The following FAM193A variants were observed in gnomAD, a reference collection of about 807,000 sequenced individuals.
The protein encoded by FAM193A is protein FAM193A.
A neutral mutation model predicts 126.5 loss-of-function variants in FAM193A; 22 were observed. The ratio of observed to expected loss-of-function variants is 0.17; its 90% CI spans 0.12 to 0.25. The LOEUF is 0.25. Among genes scored for constraint, FAM193A ranks in the 10% least tolerant of loss-of-function variants. The pLI, the probability that FAM193A is intolerant of heterozygous loss-of-function variation, is 1.00. For missense variants in FAM193A, 1,675 were observed against 1,672.8 expected (o/e 1.00, Z -0.02); for synonymous variants, 761 against 646.8 (o/e 1.18, Z -2.68).
chr4:2,727,769 G>A (rs934173100), intron 20 of FAM193A, among the ~76,000 whole-genome samples: 1 of 151,996 alleles, frequency 6.6e-6, no homozygotes, highest in Non-Finnish European at 1.5e-5. Flanking sequence ...CAGCTACTCC[G>A]CAGCCCACAG....
At chr4:2,565,015 T>G (rs1738850899) in intron 1 of FAM193A, among the ~76,000 whole-genome samples, 1 of 152,004 alleles carries the variant, frequency 6.6e-6, no homozygotes, top group Admixed American at 6.6e-5. Flanking sequence ...CCCAGGCTGG[T>G]CTTGAACTCC....
At chr4:2,596,468 C>T (rs1740869933) in intron 2 of FAM193A, 139 bp downstream of exon 2, 1 of 609,110 alleles carries the variant, frequency 1.6e-6, no homozygotes, top group Non-Finnish European at 2.9e-6. Flanking sequence ...TCTGTGTCTC[C>T]TGGTACGTTC....
intron 2 of FAM193A, among the ~76,000 whole-genome samples, chr4:2,599,400 G>T (rs1328050325): frequency 6.6e-6 from 1 of 152,064 alleles, no homozygotes; most frequent in Non-Finnish European, 1.5e-5. Context: ...CAATTGTCCT[G>T]CTCTGTCTCT....
At chr4:2,566,376 G>A (rs1253926401) in intron 1 of FAM193A, among the ~76,000 whole-genome samples, 1 of 151,952 alleles carries the variant, frequency 6.6e-6, no homozygotes, top group East Asian at 1.9e-4. Flanking sequence ...ATAGAAGGTT[G>A]CTGTGATGAG....
chr4:2,693,369 C>T (rs974487230), intron 15 of FAM193A, among the ~76,000 whole-genome samples: 5 of 152,080 alleles, frequency 3.3e-5, no homozygotes, highest in African/African-American at 1.2e-4. Context: ...GAGTTCATAC[C>T]GAAGTGTTCA....
chr4:2,629,145 A>G (rs554694019), intron 4 of FAM193A, among the ~76,000 whole-genome samples: 2 of 152,062 alleles, frequency 1.3e-5, no homozygotes, highest in East Asian at 3.9e-4. Context: ...TTCTTTTTAT[A>G]TAACTTAAAA....
intron 1 of FAM193A, among the ~76,000 whole-genome samples, chr4:2,550,370 A>G (rs1290683107): frequency 6.7e-6 from 1 of 149,106 alleles, no homozygotes; most frequent in East Asian, 2.1e-4. Flanking sequence ...CGTAGGTGAC[A>G]TTATTGATTT....
chr4:2,674,290 A>G (rs1038350297), intron 13 of FAM193A, among the ~76,000 whole-genome samples: 1 of 151,654 alleles, frequency 6.6e-6, no homozygotes, highest in Admixed American at 6.5e-5. Context: ...GCTTAGTTGG[A>G]TGCTGTTGAC....
At chr4:2,577,410 G>GGGTTTTTTTTT in intron 1 of FAM193A, among the ~76,000 whole-genome samples, 1 of 123,762 alleles carries the variant, frequency 8.1e-6, no homozygotes, top group Non-Finnish European at 1.7e-5. Flanking sequence ...CAATTAAAGT[G>GGGTTTTTTTTT]GTTTTTTTTT....
intron 10 of FAM193A, among the ~76,000 whole-genome samples, chr4:2,661,544 A>C (rs777492736): frequency 2.0e-5 from 3 of 152,178 alleles, no homozygotes; most frequent in South Asian, 2.1e-4. Flanking sequence ...TCCCAGGTGC[A>C]GTGGGCCTGC....
chr4:2,619,369 C>A lies in FAM193A; in HGVS notation c.502-5893C>A, dbSNP rs570579190. On this transcript the variant is annotated intron_variant, in intron 2 of 20. Coordinates refer to ENST00000637812, the MANE Select transcript of FAM193A (RefSeq NM_001366318.2). ...CCAGGCTGGACTGCAGTGGTGTAAT[C>A]TCGGCTCACTGCAACCTCCGCCTCC... Among the ~76,000 whole-genome samples the A allele has an allele frequency of 5.9e-5, 9 of 151,936 alleles. No homozygotes were observed. In the South Asian group the frequency reaches 1.9e-3, roughly 32 times the overall value.
At chr4:2,619,969 G>T (rs1742442858) in intron 2 of FAM193A, among the ~76,000 whole-genome samples, 1 of 152,194 alleles carries the variant, frequency 6.6e-6, no homozygotes, top group Non-Finnish European at 1.5e-5. Context: ...GGGATTACAA[G>T]CGTGAGCCAC....
intron 1 of FAM193A, among the ~76,000 whole-genome samples, chr4:2,576,508 C>T (rs1274159912): frequency 2.6e-5 from 4 of 152,128 alleles, no homozygotes; most frequent in African/African-American, 4.8e-5. Flanking sequence ...GGCTGTATTG[C>T]ACAATGATTG....
intron 5 of FAM193A, among the ~76,000 whole-genome samples, chr4:2,637,715 G>A (rs138358013): frequency 1.3e-5 from 2 of 152,262 alleles, no homozygotes; most frequent in Admixed American, 6.5e-5. Context: ...TGCATGCCCC[G>A]GTCCAGTTAT....
At chr4:2,691,993 A>T (rs1025915363) in intron 15 of FAM193A, among the ~76,000 whole-genome samples, 9 of 152,124 alleles carry the variant, frequency 5.9e-5, no homozygotes, top group African/African-American at 1.7e-4. Context: ...GCATTCATGG[A>T]GGTTAACAAG....
chr4:2,537,302 T>C (rs1191649694), intron 1 of FAM193A, 132 bp downstream of exon 1: 1 of 154,042 alleles, frequency 6.5e-6, no homozygotes, highest in African/African-American at 2.4e-5. Flanking sequence ...GGATAACGGG[T>C]CCTGCGGCGC....
intron 2 of FAM193A, among the ~76,000 whole-genome samples, chr4:2,612,754 T>G (rs1374966248): frequency 6.6e-6 from 1 of 152,258 alleles, no homozygotes; most frequent in Non-Finnish European, 1.5e-5. Flanking sequence ...GATCTATTAT[T>G]GGATGCTGTG....
intron 5 of FAM193A, among the ~76,000 whole-genome samples, chr4:2,635,999 A>AGTTTTT (rs1744051247): frequency 7.0e-6 from 1 of 142,776 alleles, no homozygotes; most frequent in African/African-American, 2.9e-5. Flanking sequence ...AAAAAGGACG[A>AGTTTTT]ATTTTTTTTT....
chr4:2,670,479 G>T (rs1382381637), intron 12 of FAM193A, among the ~76,000 whole-genome samples: 1 of 151,726 alleles, frequency 6.6e-6, no homozygotes, highest in East Asian at 1.9e-4. Flanking sequence ...TCCAGACAAG[G>T]TCTTGCTCTG....
Sources: allele counts gnomAD v4.1 joint callset (sites outside exome capture counted in the v4.1 genomes callset), GRCh38; gene constraint gnomAD v4.1.1; transcripts MANE v1.5; gene names NCBI Gene and HGNC (gene_info 2026-07-23, HGNC 2026-07-21).